Variants in UGT2A1 observed in about 807,000 individuals in gnomAD.
UGT2A1 encodes the protein UDP glucuronosyltransferase family 2 member A1 complex locus, also known as UDP-glucuronosyltransferase 2A1.
In UGT2A1, 61 loss-of-function variants were observed where a neutral mutation model predicts 45.4. That is an observed-to-expected ratio of 1.34 (90% confidence interval 1.09 to 1.66). UGT2A1 has a LOEUF of 1.66. Ranked by LOEUF, UGT2A1 falls within the 40% of genes most tolerant of loss-of-function variation. UGT2A1 has a pLI of 0.00. For missense variants in UGT2A1, 649 were observed against 574.3 expected, an observed-to-expected ratio of 1.13 and a Z score of -1.33; for synonymous variants, 229 against 196.2, an observed-to-expected ratio of 1.17 and a Z score of -1.40.
At chr4:69,615,881 C>T (rs1720350717) in intron 3 of UGT2A1, among the ~76,000 whole-genome samples, 1 of 151,944 alleles carries the variant, frequency 6.6e-6, no homozygotes. Flanking sequence ...ATAAAACTAC[C>T]ATATGATCCG....
At chr4:69,621,516 G>T (rs1292989741) in intron 3 of UGT2A1, among the ~76,000 whole-genome samples, 1 of 151,934 alleles carries the variant, frequency 6.6e-6, no homozygotes, top group African/African-American at 2.4e-5. Context: ...TGCTGGCGAG[G>T]TTGCAGAGAA....
intron 2 of UGT2A1, chr4:69,638,961 A>G (rs1047335597): frequency 6.2e-7 from 1 of 1,612,902 alleles, no homozygotes; most frequent in Non-Finnish European, 8.5e-7. Context: ...ATAGTCTTGC[A>G]GAGAATAAGA....
intron 1 of UGT2A1, among the ~76,000 whole-genome samples, chr4:69,650,390 T>A (rs2109984001): frequency 6.6e-6 from 1 of 152,278 alleles, no homozygotes; most frequent in African/African-American, 2.4e-5. Context: ...TGTAGTACAT[T>A]ATAGTCAGCA....
intron 2 of UGT2A1, among the ~76,000 whole-genome samples, chr4:69,642,145 CAA>C (rs1392108108): frequency 1.3e-5 from 2 of 151,736 alleles, no homozygotes; most frequent in African/African-American, 4.8e-5. Flanking sequence ...ATATAAAACT[CAA>C]GATTATATCC....
At chr4:69,632,930 T>G (rs1188662112) in intron 3 of UGT2A1, among the ~76,000 whole-genome samples, 1 of 152,136 alleles carries the variant, frequency 6.6e-6, no homozygotes, top group East Asian at 1.9e-4. Context: ...ACTTTTATTT[T>G]TAATCAAGGA....
intron 2 of UGT2A1, among the ~76,000 whole-genome samples, chr4:69,644,944 A>C (rs1290147198): frequency 6.6e-6 from 1 of 151,816 alleles, no homozygotes; most frequent in Admixed American, 6.6e-5. Flanking sequence ...AAAGAAGCTA[A>C]TGTGTCAGTA....
chr4:69,630,925 G>A (rs1259584933), intron 3 of UGT2A1, among the ~76,000 whole-genome samples: 3 of 143,434 alleles, frequency 2.1e-5, no homozygotes, highest in Admixed American at 6.7e-5. Context: ...GTGTGCTAAA[G>A]AATACACGAC....
Position 69,595,081 on chromosome 4 carries a change from T to C in UGT2A1, c.1084+81A>G, listed in dbSNP as rs543541227. On this transcript the variant is annotated intron_variant, in intron 5 of 6. Transcript: ENST00000286604. ...ATAACATTTTAAATTATTAAAAATG[T>C]ATTGAATTTATTTGCTATTAAACAG... 4.7e-6 allele frequency: 7 copies of C among 1,501,112 alleles called. No individual in the cohort carries two copies. In the East Asian group the frequency reaches 7.1e-5, roughly 15 times the overall value. 93.0% of individuals were successfully genotyped at this position (1,501,112 alleles called of 1,614,324 possible).
At chr4:69,598,146 C>T (rs1719050058) in intron 4 of UGT2A1, among the ~76,000 whole-genome samples, 1 of 152,090 alleles carries the variant, frequency 6.6e-6, no homozygotes, top group Non-Finnish European at 1.5e-5. Flanking sequence ...TTCACTAGAG[C>T]TTGCCTGCAG....
intron 6 of UGT2A1, among the ~76,000 whole-genome samples, chr4:69,592,513 A>T (rs903948080): frequency 1.3e-5 from 2 of 152,196 alleles, no homozygotes; most frequent in Non-Finnish European, 2.9e-5. Flanking sequence ...AGCAAGAGGA[A>T]GTGATAAGGA....
intron 3 of UGT2A1, among the ~76,000 whole-genome samples, chr4:69,624,569 T>G (rs1720928729): frequency 6.6e-6 from 1 of 151,416 alleles, no homozygotes; most frequent in Non-Finnish European, 1.5e-5. Context: ...GTTTATTAGT[T>G]GAACACATTT....
At chr4:69,590,337 C>G (rs1220232486) in intron 6 of UGT2A1, among the ~76,000 whole-genome samples, 1 of 152,174 alleles carries the variant, frequency 6.6e-6, no homozygotes, top group Non-Finnish European at 1.5e-5. Context: ...ACAGAGATAA[C>G]AGTTCTAATG....
chr4:69,597,567 C>G (rs1399522617), intron 4 of UGT2A1, among the ~76,000 whole-genome samples: 1 of 152,030 alleles, frequency 6.6e-6, no homozygotes, highest in Non-Finnish European at 1.5e-5. Context: ...TTATGACTAG[C>G]CAAATAACTA....
At chr4:69,641,221 ATCTGCAG>A (rs969856201) in intron 2 of UGT2A1, among the ~76,000 whole-genome samples, 4 of 152,054 alleles carry the variant, frequency 2.6e-5, no homozygotes, top group Admixed American at 6.6e-5. Context: ...TTTACGTAAT[ATCTGCAG>A]GGCAATAAAA....
chr4:69,612,162 A>G (rs1309340330), intron 3 of UGT2A1, among the ~76,000 whole-genome samples: 1 of 152,084 alleles, frequency 6.6e-6, no homozygotes, highest in Non-Finnish European at 1.5e-5. Flanking sequence ...ACAAGACTTC[A>G]TGTATGAAAA....
chr4:69,631,427 T>A (rs1365398317), intron 3 of UGT2A1, among the ~76,000 whole-genome samples: 1 of 152,092 alleles, frequency 6.6e-6, no homozygotes, highest in African/African-American at 2.4e-5. Flanking sequence ...GAGAGTTACA[T>A]CATCATAAAT....
intron 3 of UGT2A1, among the ~76,000 whole-genome samples, chr4:69,619,420 C>CATAAA (rs146525091): frequency 0.31 from 46,777 of 149,206 alleles, 7,440 homozygotes; most frequent in South Asian, 0.36. Flanking sequence ...TACATAAATA[C>CATAAA]ATAAAATAAA....
At chr4:69,613,636 T>C (rs555942705) in intron 3 of UGT2A1, among the ~76,000 whole-genome samples, 2 of 152,070 alleles carry the variant, frequency 1.3e-5, no homozygotes, top group Non-Finnish European at 2.9e-5. Flanking sequence ...CATTATTACA[T>C]GTGATTTATC....
intron 6 of UGT2A1, among the ~76,000 whole-genome samples, chr4:69,590,688 G>T (rs1240781058): frequency 1.3e-5 from 2 of 151,728 alleles, no homozygotes; most frequent in Non-Finnish European, 2.9e-5. Context: ...TAGTGAAAAA[G>T]AATATAAGTA....
Sources: allele counts gnomAD v4.1 joint callset (sites outside exome capture counted in the v4.1 genomes callset), GRCh38; gene constraint gnomAD v4.1.1; transcripts MANE v1.5; gene names NCBI Gene and HGNC (gene_info 2026-07-23, HGNC 2026-07-21).